The following FBH1 variants were observed in gnomAD, a reference collection of about 807,000 sequenced individuals.
The protein encoded by FBH1 is DNA 3'-5' helicase 1.
FBH1 carries 43 observed loss-of-function variants against 115.5 expected under a neutral mutation model. The observed-to-expected ratio is 0.37, with a 90% CI of 0.29 to 0.48. FBH1 has a LOEUF of 0.48. Among genes scored for constraint, FBH1 ranks in the 20% least tolerant of loss-of-function variants. The pLI, the probability that FBH1 is intolerant of heterozygous loss-of-function variation, is 0.99. For missense variants in FBH1, 1,001 were observed against 1,337.3 expected (o/e 0.75, Z 3.92); for synonymous variants, 524 against 507.8 (o/e 1.03, Z -0.43).
rs1373303227 is a variant in FBH1, at chr10:5,936,990, A to G, written c.2962-120A>G. The G allele has an allele frequency of 8.4e-7, 1 of 1,185,456 alleles. No homozygotes were observed. Among genetic ancestry groups the G allele is most frequent in the Non-Finnish European group, 1.2e-6 (1 of 858,736 alleles). The allele number at this position is 1,185,456 out of a possible 1,614,324, so 73.4% of individuals were successfully genotyped here. ...CTCTGAGGATGTGCACCCCTCTGAA[A>G]ACATCAGAATCCAAATGCGTTGTCC... On this transcript the variant is annotated intron_variant, in intron 20 of 20. Transcript: ENST00000362091. This position sits in a 1 kb window ranked among gnomAD's most constrained non-coding sequence, Gnocchi z 5.6.
Position 5,923,575 on chromosome 10 carries a change from CAAAAA to C in FBH1, c.2323-44_2323-40del, listed in dbSNP as rs776788363. The C allele has an allele frequency of 6.6e-7, 1 of 1,522,942 alleles. No individual in the cohort carries two copies. Among genetic ancestry groups the C allele is most frequent in the Non-Finnish European group, 9.0e-7 (1 of 1,105,290 alleles). The allele number at this position is 1,522,942 out of a possible 1,614,324, so 94.3% of individuals were successfully genotyped here. A position where few individuals can be genotyped will look rare whatever the true frequency, so the allele number is the denominator to read the frequency against. On this transcript the variant is annotated intron_variant, in intron 15 of 20. Transcript: ENST00000362091. This position sits in a 1 kb window ranked among gnomAD's most constrained non-coding sequence, Gnocchi z 5.7. ...TAAAGCAACAACAAACAAAACAAAA[CAAAAA>C]ACAACAAAAAAACAAAAATCCCACC...
At chr10:5,920,731 T>C (rs144148652) in intron 13 of FBH1, among the ~76,000 whole-genome samples, 1 of 152,314 alleles carries the variant, frequency 6.6e-6, no homozygotes, top group East Asian at 1.9e-4. Flanking sequence ...ACCCCGAGTG[T>C]AGGGAAGAAT....
intron 1 of FBH1, chr10:5,891,062 A>G (rs759026845): frequency 1.7e-5 from 12 of 702,060 alleles, no homozygotes; most frequent in Non-Finnish European, 2.1e-5. Context: ...GTAGGGTTTT[A>G]CAGGTGGGGA....
At position 5,917,174 on chromosome 10, in the gene FBH1, C is replaced by G. The variant is rs546071206; in HGVS notation, c.1789-246C>G. ...AACAATTTGGCCTTTTCTGGTTCAC[C>G]TAACTGTTATGATCTCTGTCCTGTC... On this transcript the variant is annotated intron_variant, in intron 10 of 20. Transcript: ENST00000362091. The surrounding 1 kb of genome is among the most constrained non-coding windows in gnomAD (Gnocchi z 5.6). 2.4e-5 allele frequency: 12 copies of G among 505,534 alleles called. No homozygotes were observed. Among genetic ancestry groups the G allele is most frequent in the Admixed American group, 1.7e-4 (5 of 30,068 alleles). 31.3% of individuals were successfully genotyped at this position (505,534 alleles called of 1,614,324 possible). A position where few individuals can be genotyped will look rare whatever the true frequency, so the allele number is the denominator to read the frequency against.
rs914849365 is a variant in FBH1, at chr10:5,933,658, T to TA, written c.2830-2792dup. Among the ~76,000 whole-genome samples, 6 of 144,080 alleles carry TA rather than the reference T, an allele frequency of 4.2e-5. No individual in the cohort carries two copies. The highest frequency in any genetic ancestry group is 8.0e-5 in the African/African-American group (3 of 37,682). The allele number at this position is 144,080 out of a possible 152,430, so 94.5% of individuals were successfully genotyped here. A position where few individuals can be genotyped will look rare whatever the true frequency, so the allele number is the denominator to read the frequency against. On this transcript the variant is annotated intron_variant, in intron 19 of 20. Coordinates refer to ENST00000362091, the MANE Select transcript of FBH1 (RefSeq NM_178150.3). The surrounding 1 kb of genome is among the most constrained non-coding windows in gnomAD (Gnocchi z 4.9). ...CACTCTGCTGTTTTTTTTTTTTTTT[T>TA]AAAAAACAGAGTCTCACTCTGTCGC...
Position 5,908,435 on chromosome 10 carries a change from A to G in FBH1, c.754-490A>G, listed in dbSNP as rs961474750. Among the ~76,000 whole-genome samples the G allele has an allele frequency of 3.9e-5, 6 of 152,194 alleles. No individual in the cohort carries two copies. The South Asian group carries it at 1.2e-3, about 31-fold the overall frequency. On this transcript the variant is annotated intron_variant, in intron 3 of 20. Coordinates refer to ENST00000362091, the MANE Select transcript of FBH1 (RefSeq NM_178150.3). ...ATAGTTTTTCCCAGATTCTTTAACTATAACAAGTTAGTGTTAGAACCAAGA... is the reference window on the plus strand; with the variant it reads ...ATAGTTTTTCCCAGATTCTTTAACTGTAACAAGTTAGTGTTAGAACCAAGA...
At position 5,916,433 on chromosome 10, in the gene FBH1, A is replaced by T. The variant is rs973134741; in HGVS notation, c.1765A>T (p.Met589Leu). ...WCKNSQGQRV[M>L]VEQSEKLNGV... ...TAAGAACAGCCAAGGACAGAGAGTC[A>T]TGGTTGAGCAGAGTGAAAAACTGGT... The change falls in exon 10 of 21, where the codon ATG (methionine) becomes TTG (leucine). Residue 589 changes from methionine (M) to leucine (L), a missense_variant. By Grantham distance (15) the Met-to-Leu change is conservative. This residue lies in a region of FBH1 where 521 missense variants were observed against 811.0 expected (regional missense o/e 0.64). Transcript: ENST00000362091. 14 of 1,609,230 alleles carry T rather than the reference A, an allele frequency of 8.7e-6. No individual in the cohort carries two copies. The highest frequency in any genetic ancestry group is 1.2e-5 in the Non-Finnish European group (14 of 1,177,116).
Position 5,924,853 on chromosome 10 carries a change from A to G in FBH1, c.2596+345A>G. 2.4e-6 allele frequency: 1 copy of G among 418,674 alleles called. No individual in the cohort carries two copies. The highest frequency in any genetic ancestry group is 4.7e-6 in the Non-Finnish European group (1 of 211,656). The allele number at this position is 418,674 out of a possible 1,614,324, so 25.9% of individuals were successfully genotyped here. Reference sequence around the variant, plus strand: ...AGTGCTAGAATTACAGGCGTGAGCCACTGCGCCCAGCCTCTTCTGCTGTTT... The same window carrying G: ...AGTGCTAGAATTACAGGCGTGAGCCGCTGCGCCCAGCCTCTTCTGCTGTTT... On this transcript the variant is annotated intron_variant, in intron 17 of 20. Transcript: ENST00000362091. This position sits in a 1 kb window ranked among gnomAD's most constrained non-coding sequence, Gnocchi z 6.2.
At chr10:5,898,701 T>A (rs991048379) in intron 1 of FBH1, among the ~76,000 whole-genome samples, 7 of 152,210 alleles carry the variant, frequency 4.6e-5, no homozygotes, top group Non-Finnish European at 8.8e-5. Context: ...TGAGCCACTG[T>A]GCCTGGCCCA....
At chr10:5,912,527 A>G (rs963851241) in intron 6 of FBH1, among the ~76,000 whole-genome samples, 3 of 152,242 alleles carry the variant, frequency 2.0e-5, no homozygotes, top group Admixed American at 6.5e-5. Context: ...TCCCTTCCCC[A>G]GGGAGACTGG....
intron 1 of FBH1, among the ~76,000 whole-genome samples, chr10:5,898,848 C>G (rs1378574717): frequency 6.6e-6 from 1 of 152,178 alleles, no homozygotes; most frequent in Non-Finnish European, 1.5e-5. Flanking sequence ...CAGCAGTGAA[C>G]CAGGTGGGCT....
At position 5,894,006 on chromosome 10, in the gene FBH1, T is replaced by C. The variant is rs1015072428; in HGVS notation, c.1+3660T>C. Reference sequence around the variant, plus strand: ...AACATAGAACGGAAAGCCCAGCCCATCCTTGTTGGCTGTCATACACGAGTG... The same window carrying C: ...AACATAGAACGGAAAGCCCAGCCCACCCTTGTTGGCTGTCATACACGAGTG... On this transcript the variant is annotated intron_variant, in intron 1 of 20. Transcript: ENST00000362091. 5 of 985,326 alleles carry C rather than the reference T, an allele frequency of 5.1e-6. No homozygotes were observed. The Admixed American group carries it at 1.8e-4, about 36-fold the overall frequency. 61.0% of individuals were successfully genotyped at this position (985,326 alleles called of 1,614,324 possible). A position where few individuals can be genotyped will look rare whatever the true frequency, so the allele number is the denominator to read the frequency against.
intron 1 of FBH1, among the ~76,000 whole-genome samples, chr10:5,891,947 T>C (rs1842759064): frequency 6.6e-6 from 1 of 152,222 alleles, no homozygotes; most frequent in South Asian, 2.1e-4. Flanking sequence ...AATTGGTTAC[T>C]TCATTGGTGT....
intron 1 of FBH1, among the ~76,000 whole-genome samples, chr10:5,892,338 G>A (rs962585685): frequency 1.3e-5 from 2 of 152,146 alleles, no homozygotes; most frequent in Admixed American, 1.3e-4. Context: ...GACAGGTTTC[G>A]TGATTTGTGA....
At chr10:5,903,508 T>TC (rs71388496) in intron 2 of FBH1, among the ~76,000 whole-genome samples, 10 of 150,926 alleles carry the variant, frequency 6.6e-5, no homozygotes, top group Non-Finnish European at 1.5e-4. Context: ...TTTTGTTTTT[T>TC]AGTAGAGACG....
At chr10:5,927,167 G>A (rs1044650266) in intron 18 of FBH1, among the ~76,000 whole-genome samples, 2 of 152,162 alleles carry the variant, frequency 1.3e-5, no homozygotes, top group African/African-American at 4.8e-5. Flanking sequence ...CTGTCACATC[G>A]CGGGTGTCAA....
chr10:5,914,289 G>A lies in FBH1; in HGVS notation c.1396+20G>A, dbSNP rs1489494362. 6.2e-7 allele frequency: 1 copy of A among 1,609,630 alleles called. No homozygotes were observed. The highest frequency in any genetic ancestry group is 2.2e-5 in the East Asian group (1 of 44,862). On this transcript the variant is annotated intron_variant, in intron 8 of 20. Coordinates refer to ENST00000362091, the MANE Select transcript of FBH1 (RefSeq NM_178150.3). The surrounding 1 kb of genome is among the most constrained non-coding windows in gnomAD (Gnocchi z 5.2). Reference sequence around the variant, plus strand: ...TTGCCGGTAAGGGAGCCCACATCAGGTTCACGAGGTGGTGGTTTTCTGCCT... The same window carrying A: ...TTGCCGGTAAGGGAGCCCACATCAGATTCACGAGGTGGTGGTTTTCTGCCT...
chr10:5,900,263 TGACA>T lies in FBH1; in HGVS notation c.2-2751_2-2748del, dbSNP rs1843258394. Reference sequence around the variant, plus strand: ...TTTGTATGCATGCAGTTGGATAATTTGACAGACAGTTTTGAGCATATTTTCTCAT... The same window carrying T: ...TTTGTATGCATGCAGTTGGATAATTTGACAGTTTTGAGCATATTTTCTCAT... On this transcript the variant is annotated intron_variant, in intron 1 of 20. Coordinates refer to ENST00000362091, the MANE Select transcript of FBH1 (RefSeq NM_178150.3). This position sits in a 1 kb window ranked among gnomAD's most constrained non-coding sequence, Gnocchi z 4.2. Among the ~76,000 whole-genome samples, 2 of 152,252 alleles carry T rather than the reference TGACA, an allele frequency of 1.3e-5. No homozygotes were observed. The highest frequency in any genetic ancestry group is 4.8e-5 in the African/African-American group (2 of 41,458).
intron 2 of FBH1, among the ~76,000 whole-genome samples, chr10:5,904,936 A>C (rs2131906867): frequency 1.3e-5 from 2 of 152,276 alleles, no homozygotes; most frequent in South Asian, 4.1e-4. Context: ...TTCCAAAGTG[A>C]ATATTTTGGA....
Sources: allele counts gnomAD v4.1 joint callset (sites outside exome capture counted in the v4.1 genomes callset), GRCh38; gene constraint gnomAD v4.1.1; regional missense constraint gnomAD v4.1.1; non-coding constraint Gnocchi (gnomAD v3.1); transcripts MANE v1.5; gene names NCBI Gene and HGNC (gene_info 2026-07-23, HGNC 2026-07-21).